The following LPP variants were observed in gnomAD, a reference collection of about 807,000 sequenced individuals.
The protein encoded by LPP is lipoma-preferred partner.
Under a neutral mutation model 60.4 loss-of-function variants are expected in LPP, and 38 were observed. That is an observed-to-expected ratio of 0.63 (90% CI 0.49 to 0.83). The LOEUF is 0.83. LPP is among the 40% of genes least tolerant of loss of function. The pLI is 0.00. For synonymous variants in LPP, 328 were observed against 290.8 expected (o/e 1.13, Z -1.30); for missense variants, 902 against 783.6 (o/e 1.15, Z -1.80).
chr3:188,187,143 A>C (rs1726837601), intron 1 of LPP, among the ~76,000 whole-genome samples: 1 of 152,204 alleles, frequency 6.6e-6, no homozygotes, highest in Non-Finnish European at 1.5e-5. Flanking sequence ...ACATGCATAT[A>C]GGCACATGTA....
rs112810457 is a variant in LPP, at chr3:188,614,227, G to A, written c.1113+4383G>A. 3.5e-3 allele frequency among the ~76,000 whole-genome samples: 540 copies of A among 152,114 alleles called. 1 individual carries two copies. The highest frequency in any genetic ancestry group is 0.012 in the African/African-American group (515 of 41,486). On this transcript the variant is annotated intron_variant, in intron 7 of 11. Coordinates refer to ENST00000617246, the MANE Select transcript of LPP (RefSeq NM_001375462.1). The stretch of plus-strand genomic sequence containing the variant: ...TACAGGTGTGATCCCACCATGCCCA[G>A]CCTGTTTTAATTTTTGAAAAGAGAA...
intron 9 of LPP, among the ~76,000 whole-genome samples, chr3:188,800,466 C>G (rs1009726140): frequency 1.3e-5 from 2 of 151,786 alleles, no homozygotes. Flanking sequence ...AGGATGGTCT[C>G]CATCTCCTGA....
chr3:188,249,901 A>ATT (rs372331542), intron 2 of LPP, among the ~76,000 whole-genome samples: 5 of 87,808 alleles, frequency 5.7e-5, no homozygotes, highest in African/African-American at 1.5e-4. Context: ...ATATATATAT[A>ATT]TTTTTTTTTT....
At chr3:188,635,440 C>T (rs758455414) in intron 7 of LPP, among the ~76,000 whole-genome samples, 1 of 152,180 alleles carries the variant, frequency 6.6e-6, no homozygotes, top group African/African-American at 2.4e-5. Flanking sequence ...TCTAGTCTGT[C>T]CACAAATATT....
At chr3:188,676,529 C>T (rs1858142641) in intron 7 of LPP, among the ~76,000 whole-genome samples, 1 of 152,114 alleles carries the variant, frequency 6.6e-6, no homozygotes, top group Non-Finnish European at 1.5e-5. Context: ...TTTCTTCGTT[C>T]TTTGTTATAT....
At chr3:188,807,876 C>T (rs1171149182) in intron 9 of LPP, among the ~76,000 whole-genome samples, 2 of 152,122 alleles carry the variant, frequency 1.3e-5, no homozygotes, top group Non-Finnish European at 2.9e-5. Flanking sequence ...TGCTTTGTCT[C>T]TTGACAGTGT....
At chr3:188,559,013 G>A (rs895471501) in intron 6 of LPP, among the ~76,000 whole-genome samples, 1 of 152,026 alleles carries the variant, frequency 6.6e-6, no homozygotes, top group Non-Finnish European at 1.5e-5. Flanking sequence ...GTAATGAAAT[G>A]CATGGGTTCT....
chr3:188,504,398 T>C (rs1341796465), intron 5 of LPP, among the ~76,000 whole-genome samples: 1 of 152,170 alleles, frequency 6.6e-6, no homozygotes, highest in African/African-American at 2.4e-5. Context: ...AAAGTCTTCG[T>C]CAGGTAGATC....
At chr3:188,516,456 A>G (rs1579551736) in intron 5 of LPP, among the ~76,000 whole-genome samples, 1 of 151,856 alleles carries the variant, frequency 6.6e-6, no homozygotes. Context: ...CTTCATTTTT[A>G]TTTTTATCCA....
chr3:188,690,402 C>G (rs1861847817), intron 7 of LPP, among the ~76,000 whole-genome samples: 1 of 151,988 alleles, frequency 6.6e-6, no homozygotes. Flanking sequence ...TTTGTTGAAG[C>G]AAAAAATATG....
At chr3:188,724,106 A>C (rs1380571421) in intron 8 of LPP, among the ~76,000 whole-genome samples, 1 of 152,174 alleles carries the variant, frequency 6.6e-6, no homozygotes, top group Non-Finnish European at 1.5e-5. Flanking sequence ...AGCACTGACT[A>C]TTTAGTATGA....
At chr3:188,671,265 T>C (rs1856897253) in intron 7 of LPP, among the ~76,000 whole-genome samples, 1 of 152,214 alleles carries the variant, frequency 6.6e-6, no homozygotes, top group African/African-American at 2.4e-5. Flanking sequence ...ATTGCCTCTT[T>C]CAATTAATAA....
At chr3:188,869,377 G>C (rs1395618234) in intron 10 of LPP, among the ~76,000 whole-genome samples, 1 of 152,206 alleles carries the variant, frequency 6.6e-6, no homozygotes, top group South Asian at 2.1e-4. Flanking sequence ...TGCAACCTCT[G>C]CCTCCCATGT....
intron 6 of LPP, among the ~76,000 whole-genome samples, chr3:188,544,374 C>G (rs1425170192): frequency 6.6e-6 from 1 of 152,216 alleles, no homozygotes; most frequent in African/African-American, 2.4e-5. Flanking sequence ...ATGAAGCTAT[C>G]ATTATCATGT....
chr3:188,554,292 G>A (rs1828943793), intron 6 of LPP, among the ~76,000 whole-genome samples: 1 of 152,096 alleles, frequency 6.6e-6, no homozygotes. Flanking sequence ...TGTTATTGAT[G>A]TGACATAATT....
chr3:188,332,078 T>C (rs538952430), intron 2 of LPP, among the ~76,000 whole-genome samples: 2 of 152,142 alleles, frequency 1.3e-5, no homozygotes, highest in South Asian at 4.1e-4. Context: ...CCTTTCCTTC[T>C]CTCTTTTCTT....
intron 1 of LPP, among the ~76,000 whole-genome samples, chr3:188,215,398 A>G (rs1186810919): frequency 2.6e-5 from 4 of 152,040 alleles, no homozygotes; most frequent in African/African-American, 4.8e-5. Context: ...TCATCTTGCA[A>G]TCTGAAACTT....
chr3:188,359,848 C>G (rs537148129), intron 3 of LPP, among the ~76,000 whole-genome samples: 1 of 152,090 alleles, frequency 6.6e-6, no homozygotes, highest in Non-Finnish European at 1.5e-5. Flanking sequence ...TATTGCATGA[C>G]GATACTCTTG....
chr3:188,288,149 G>A (rs950009258), intron 2 of LPP, among the ~76,000 whole-genome samples: 4 of 152,114 alleles, frequency 2.6e-5, no homozygotes, highest in African/African-American at 4.8e-5. Context: ...TGGCTTTTTT[G>A]TTTTGGAAAT....
Sources: gnomAD v4.1 joint callset for allele counts (sites outside exome capture counted in the v4.1 genomes callset) on GRCh38, gnomAD v4.1.1 for gene constraint, MANE v1.5 for transcripts, NCBI Gene and HGNC (gene_info 2026-07-23, HGNC 2026-07-21) for gene names.